KCNQ1: variants seen among roughly 807,000 people sequenced by gnomAD.
KCNQ1 encodes potassium voltage-gated channel subfamily Q member 1, also known as potassium voltage-gated channel subfamily KQT member 1.
In KCNQ1, 49 loss-of-function variants were observed where a neutral mutation model predicts 72.4. The ratio of observed to expected loss-of-function variants is 0.68; its 90% CI spans 0.54 to 0.86. The LOEUF (loss-of-function observed/expected upper bound fraction) is 0.86, where lower values mean the gene tolerates loss of function less well. Ranked by LOEUF, KCNQ1 falls within the 40% of genes least tolerant of loss-of-function variation. KCNQ1 has a pLI of 0.00. For synonymous variants in KCNQ1, 450 were observed against 412.6 expected (o/e 1.09, Z -1.10); for missense variants, 790 against 945.1 (o/e 0.84, Z 2.15).
chr11:2,747,738 G>T (rs938395870), intron 11 of KCNQ1, among the ~76,000 whole-genome samples: 1 of 152,214 alleles, frequency 6.6e-6, no homozygotes, highest in African/African-American at 2.4e-5. Context: ...AGAATGCCGG[G>T]AAAGGGAGGA....
At chr11:2,630,244 A>G in intron 10 of KCNQ1, 1 of 398,252 alleles carries the variant, frequency 2.5e-6, no homozygotes. Context: ...AACTGTCCTT[A>G]TGTACTAAGG....
intron 10 of KCNQ1, chr11:2,646,264 A>G (rs1392316386): frequency 1.3e-5 from 5 of 398,528 alleles, no homozygotes; most frequent in Non-Finnish European, 1.8e-5. Context: ...ATATCTGGAT[A>G]GGGATTTCAT....
chr11:2,657,915 A>T lies in KCNQ1; in HGVS notation c.1394-4046A>T. ...TGCTTTCCTCATTGTGGAACATGAC[A>T]TCAACATGGTTTATCACTGGTAATA... On this transcript the variant is annotated intron_variant, in intron 10 of 15. Coordinates refer to ENST00000155840, the MANE Select transcript of KCNQ1 (RefSeq NM_000218.3). This position sits in a 1 kb window ranked among gnomAD's most constrained non-coding sequence, Gnocchi z 4.8. 1 of 398,636 alleles carries T rather than the reference A, an allele frequency of 2.5e-6. No homozygotes were observed. The highest frequency in any genetic ancestry group is 4.4e-6 in the Non-Finnish European group (1 of 226,060). The allele number at this position is 398,636 out of a possible 1,614,324, so 24.7% of individuals were successfully genotyped here.
rs552460433 is a variant in KCNQ1 at position 2,703,545 on chromosome 11, C to T, written c.1514+41464C>T. 2.0e-5 allele frequency among the ~76,000 whole-genome samples: 3 copies of T among 152,280 alleles called. No homozygotes were observed. Among genetic ancestry groups the T allele is most frequent in the Non-Finnish European group, 1.5e-5 (1 of 68,032 alleles). ...GAGAATTAGGCTCAAAACGTCCACTCGGCTTTTCTCTTGATTCCAAGGTAT... is the reference window on the plus strand; with the variant it reads ...GAGAATTAGGCTCAAAACGTCCACTTGGCTTTTCTCTTGATTCCAAGGTAT... On this transcript the variant is annotated intron_variant, in intron 11 of 15. Coordinates refer to ENST00000155840, the MANE Select transcript of KCNQ1 (RefSeq NM_000218.3). This position sits in a 1 kb window ranked among gnomAD's most constrained non-coding sequence, Gnocchi z 6.4.
intron 10 of KCNQ1, chr11:2,631,472 T>C (rs1054063716): frequency 7.6e-6 from 3 of 396,780 alleles, no homozygotes; most frequent in African/African-American, 2.1e-5. Flanking sequence ...TCTCCTTTTG[T>C]GTATTAATGA....
At chr11:2,756,440 T>TAAAAAAAAAAA (rs1846298950) in intron 11 of KCNQ1, among the ~76,000 whole-genome samples, 1 of 72,284 alleles carries the variant, frequency 1.4e-5, no homozygotes, top group Non-Finnish European at 2.7e-5. Flanking sequence ...ATTACTAAAA[T>TAAAAAAAAAAA]TAAAAAAAAA....
Position 2,559,245 on chromosome 11 carries a change from C to T in KCNQ1, c.478-11383C>T, listed in dbSNP as rs115446690. On this transcript the variant is annotated intron_variant, in intron 2 of 15. Coordinates refer to ENST00000155840, the MANE Select transcript of KCNQ1 (RefSeq NM_000218.3). The surrounding 1 kb of genome is among the most constrained non-coding windows in gnomAD (Gnocchi z 4.9). ...AAGCCCGTGGAGAGGATGCATTCGA[C>T]ACCCAAGGCCTTATGGAATCAGTCC... is the stretch of plus-strand genomic sequence containing the variant. Among the ~76,000 whole-genome samples, 1,149 of 152,206 alleles carry T rather than the reference C, an allele frequency of 7.5e-3. 11 individuals are homozygous for T. Among genetic ancestry groups the T allele is most frequent in the African/African-American group, 0.025 (1,058 of 41,526 alleles).
Position 2,848,477 on chromosome 11 carries a change from G to A in KCNQ1, c.*474G>A. ...GCAGGACCAGCCCACGCTGACTACA[G>A]GGCCGCCGGCAATAAAAGCCCAGGA... On this transcript the variant is annotated 3_prime_UTR_variant, in exon 16 of 16. Coordinates refer to ENST00000155840, the MANE Select transcript of KCNQ1 (RefSeq NM_000218.3). 1 of 458,628 alleles carries A rather than the reference G, an allele frequency of 2.2e-6. No homozygotes were observed. The highest frequency in any genetic ancestry group is 4.3e-6 in the Non-Finnish European group (1 of 229,908). The allele number at this position is 458,628 out of a possible 1,614,324, so 28.4% of individuals were successfully genotyped here. A position where few individuals can be genotyped will look rare whatever the true frequency, so the allele number is the denominator to read the frequency against.
At chr11:2,680,316 C>T in intron 11 of KCNQ1, 2 of 335,950 alleles carry the variant, frequency 6.0e-6, no homozygotes, top group Non-Finnish European at 9.5e-6. Flanking sequence ...GAATTGCCTT[C>T]CCCACCTCAA....
intron 11 of KCNQ1, among the ~76,000 whole-genome samples, chr11:2,700,587 C>T (rs950763935): frequency 2.6e-5 from 4 of 152,214 alleles, no homozygotes; most frequent in African/African-American, 9.6e-5. Context: ...TGCAGGGGAT[C>T]GGGATGTTCT....
intron 15 of KCNQ1, among the ~76,000 whole-genome samples, chr11:2,791,933 G>C (rs1053834840): frequency 6.6e-6 from 1 of 152,242 alleles, no homozygotes; most frequent in Non-Finnish European, 1.5e-5. Flanking sequence ...TGTTTACTTT[G>C]CCGCGCGAAC....
intron 11 of KCNQ1, among the ~76,000 whole-genome samples, chr11:2,751,400 A>G (rs1846223117): frequency 6.6e-6 from 1 of 152,232 alleles, no homozygotes; most frequent in Non-Finnish European, 1.5e-5. Flanking sequence ...CTCTATGGGA[A>G]AGGGGAGGCA....
Position 2,654,728 on chromosome 11 carries a change from C to T in KCNQ1, c.1394-7233C>T, listed in dbSNP as rs1849812406. Reference sequence around the variant, plus strand: ...CTTGGGGCTTGAATGCTGACCTAATCTGGGCAGGGAGGGGTCTGGGGCTCG... The same window carrying T: ...CTTGGGGCTTGAATGCTGACCTAATTTGGGCAGGGAGGGGTCTGGGGCTCG... On this transcript the variant is annotated intron_variant, in intron 10 of 15. Coordinates refer to ENST00000155840, the MANE Select transcript of KCNQ1 (RefSeq NM_000218.3). This position sits in a 1 kb window ranked among gnomAD's most constrained non-coding sequence, Gnocchi z 6.4. 1 of 398,332 alleles carries T rather than the reference C, an allele frequency of 2.5e-6. No individual in the cohort carries two copies. Among genetic ancestry groups the T allele is most frequent in the African/African-American group, 2.1e-5 (1 of 48,476 alleles). The allele number at this position is 398,332 out of a possible 1,614,324, so 24.7% of individuals were successfully genotyped here.
chr11:2,517,828 G>A (rs760239384), intron 1 of KCNQ1, among the ~76,000 whole-genome samples: 5 of 152,210 alleles, frequency 3.3e-5, no homozygotes, highest in Admixed American at 6.5e-5. Flanking sequence ...GGCTCCCAGC[G>A]ATCTGTCAAC....
chr11:2,604,431 CTG>C (rs1259992021), intron 10 of KCNQ1, among the ~76,000 whole-genome samples: 1 of 151,432 alleles, frequency 6.6e-6, no homozygotes, highest in African/African-American at 2.4e-5. Context: ...TGAGCCGAGA[CTG>C]TGCCACTGCA....
rs1206383994 is a variant in KCNQ1 at position 2,704,402 on chromosome 11, C to T, written c.1514+42321C>T. On this transcript the variant is annotated intron_variant, in intron 11 of 15. Transcript: ENST00000155840. The surrounding 1 kb of genome is among the most constrained non-coding windows in gnomAD (Gnocchi z 4.3). ...AGACATGTTTACTTGACTTCCTGCC[C>T]CAGGTCTCTGCTGTACCCACAGGTG... Among the ~76,000 whole-genome samples the T allele has an allele frequency of 6.6e-6, 1 of 152,212 alleles. No individual in the cohort carries two copies. The highest frequency in any genetic ancestry group is 1.5e-5 in the Non-Finnish European group (1 of 68,040).
chr11:2,655,672 T>TGGGGGGGGGGGGGGGGGGCC, intron 10 of KCNQ1: 1 of 389,744 alleles, frequency 2.6e-6, no homozygotes, highest in South Asian at 1.4e-4. Flanking sequence ...AAGAGCTGAA[T>TGGGGGGGGGGGGGGGGGGCC]CCCCACCCAC....
chr11:2,751,623 G>A (rs892259437), intron 11 of KCNQ1, among the ~76,000 whole-genome samples: 27 of 152,388 alleles, frequency 1.8e-4, no homozygotes, highest in Admixed American at 3.9e-4. Context: ...GGCGACCCTC[G>A]TCTGACAGGC....
chr11:2,775,828 T>C (rs899200704), intron 12 of KCNQ1, 132 bp from the exon 13 acceptor site: 1 of 849,066 alleles, frequency 1.2e-6, no homozygotes, highest in African/African-American at 1.7e-5. Flanking sequence ...ACCAGGCTTA[T>C]GCCATCACCA....
Sources: allele counts gnomAD v4.1 joint callset (sites outside exome capture counted in the v4.1 genomes callset), GRCh38; gene constraint gnomAD v4.1.1; non-coding constraint Gnocchi (gnomAD v3.1); transcripts MANE v1.5; gene names NCBI Gene and HGNC (gene_info 2026-07-23, HGNC 2026-07-21).